THSD7A: variants seen among roughly 807,000 people sequenced by gnomAD.
THSD7A encodes thrombospondin type-1 domain-containing protein 7A.
A neutral mutation model predicts 231.3 loss-of-function variants in THSD7A; 96 were observed. That is an observed-to-expected ratio of 0.41 (90% CI 0.35 to 0.49). The LOEUF is 0.49. Ranked by LOEUF, THSD7A falls within the 20% of genes least tolerant of loss-of-function variation. THSD7A has a pLI of 0.05. For missense variants in THSD7A, 2,290 were observed against 2,070.2 expected, an observed-to-expected ratio of 1.11 and a Z score of -2.06; for synonymous variants, 940 against 743.3, an observed-to-expected ratio of 1.26 and a Z score of -4.30.
chr7:11,452,783 C>T (rs749870196), intron 11 of THSD7A, among the ~76,000 whole-genome samples: 25 of 151,948 alleles, frequency 1.6e-4, no homozygotes, highest in Non-Finnish European at 2.7e-4. Flanking sequence ...AGATATAAAA[C>T]GAAACCCAAA....
intron 1 of THSD7A, among the ~76,000 whole-genome samples, chr7:11,684,934 A>G (rs1779983016): frequency 6.6e-6 from 1 of 151,984 alleles, no homozygotes; most frequent in Admixed American, 6.6e-5. Flanking sequence ...AAAGAAAATG[A>G]ACAAAGCTGG....
At chr7:11,509,554 C>T (rs1395595069) in intron 6 of THSD7A, among the ~76,000 whole-genome samples, 2 of 151,778 alleles carry the variant, frequency 1.3e-5, no homozygotes, top group Admixed American at 6.6e-5. Context: ...AAGATAAGGC[C>T]GGGCGCGGTG....
At chr7:11,735,281 T>C (rs892853543) in intron 1 of THSD7A, among the ~76,000 whole-genome samples, 2 of 151,810 alleles carry the variant, frequency 1.3e-5, no homozygotes, top group African/African-American at 4.8e-5. Flanking sequence ...ACCCGTATAT[T>C]AAAGAGAGGA....
At chr7:11,667,234 G>C (rs75808529) in intron 1 of THSD7A, among the ~76,000 whole-genome samples, 3,174 of 152,032 alleles carry the variant, frequency 0.021, 42 homozygotes, top group Non-Finnish European at 0.032. Context: ...AGTCCTCAAA[G>C]TCCATTACCT....
At chr7:11,393,028 T>C (rs1447790807) in intron 23 of THSD7A, among the ~76,000 whole-genome samples, 1 of 152,214 alleles carries the variant, frequency 6.6e-6, no homozygotes, top group Admixed American at 6.5e-5. Context: ...AGCACAGTGT[T>C]TGACCTCTGC....
intron 1 of THSD7A, among the ~76,000 whole-genome samples, chr7:11,694,519 A>T (rs757178929): frequency 6.6e-6 from 1 of 151,610 alleles, no homozygotes; most frequent in Non-Finnish European, 1.5e-5. Flanking sequence ...GAAAGTGCTT[A>T]AACAAGTGAT....
At chr7:11,684,124 C>CA (rs1303028732) in intron 1 of THSD7A, among the ~76,000 whole-genome samples, 2 of 151,494 alleles carry the variant, frequency 1.3e-5, no homozygotes, top group Admixed American at 6.6e-5. Flanking sequence ...GAGTTAAAAA[C>CA]AAAAAAACTC....
intron 1 of THSD7A, among the ~76,000 whole-genome samples, chr7:11,723,234 C>A (rs1164370073): frequency 3.4e-5 from 5 of 148,418 alleles, no homozygotes; most frequent in Non-Finnish European, 5.9e-5. Context: ...GGACAAAAAC[C>A]AAACACCGCA....
rs1329749562 is a variant in THSD7A at position 11,451,630 on chromosome 7, C to T, written c.2606-4206G>A. On this transcript the variant is annotated intron_variant, in intron 11 of 27. Transcript: ENST00000423059. ...TAAAGTTAATTCTAGAATGTTTTCA[C>T]GTAAATTGAGTTTCAAGCTATGTTT... Among the ~76,000 whole-genome samples, 18 of 151,800 alleles carry T rather than the reference C, an allele frequency of 1.2e-4. No individual in the cohort carries two copies. In the East Asian group the frequency reaches 2.3e-3, roughly 20 times the overall value.
chr7:11,673,261 C>G lies in THSD7A; in HGVS notation c.191-36300G>C, dbSNP rs557151835. Among the ~76,000 whole-genome samples, 10 of 152,186 alleles carry G rather than the reference C, an allele frequency of 6.6e-5. No individual in the cohort carries two copies. The South Asian group carries it at 1.7e-3, about 25-fold the overall frequency. On this transcript the variant is annotated intron_variant, in intron 1 of 27. Coordinates refer to ENST00000423059, the MANE Select transcript of THSD7A (RefSeq NM_015204.3). ...ATTGCTGTTGTGGACACCTGATATC[C>G]TAGCTACAGGAGTTCCCATCACCCT...
rs77985933 is a variant in THSD7A at position 11,609,238 on chromosome 7, A to C, written c.1023-15736T>G. Among the ~76,000 whole-genome samples the C allele has an allele frequency of 5.1e-3, 777 of 152,288 alleles. 10 individuals carry two copies. The highest frequency in any genetic ancestry group is 0.018 in the African/African-American group (729 of 41,558). ...ACAGCTTCCCCAGCTTCTCACAAAGAATAAAACATGGCATGCTGAGAACAT... is the reference window on the plus strand; with the variant it reads ...ACAGCTTCCCCAGCTTCTCACAAAGCATAAAACATGGCATGCTGAGAACAT... On this transcript the variant is annotated intron_variant, in intron 2 of 27. Transcript: ENST00000423059.
At chr7:11,481,668 T>G in intron 7 of THSD7A, 120 bp downstream of exon 7, 1 of 1,077,154 alleles carries the variant, frequency 9.3e-7, no homozygotes. Flanking sequence ...TATTAAATCT[T>G]GGATGGCTGA....
chr7:11,562,807 C>T (rs425), intron 4 of THSD7A, among the ~76,000 whole-genome samples: 84,335 of 151,944 alleles, frequency 0.56, 23,642 homozygotes, highest in Middle Eastern at 0.67. Flanking sequence ...TTAGGCATTA[C>T]ATGCCAAAGG....
intron 1 of THSD7A, among the ~76,000 whole-genome samples, chr7:11,792,834 C>T (rs1178540705): frequency 1.3e-5 from 2 of 151,874 alleles, no homozygotes; most frequent in East Asian, 3.9e-4. Context: ...CATTGCAGCA[C>T]AGAAGGAGCC....
In THSD7A at chr7:11,706,630, C is replaced by CTTTTTTTTTTTTTTTTTTTTTTTTTTT. The variant is rs66964252; in HGVS notation, c.191-69670_191-69669insAAAAAAAAAAAAAAAAAAAAAAAAAAA. Among the ~76,000 whole-genome samples the CTTTTTTTTTTTTTTTTTTTTTTTTTTT allele has an allele frequency of 7.5e-5, 5 of 66,392 alleles. 1 individual carries two copies. The highest frequency in any genetic ancestry group is 1.4e-4 in the Non-Finnish European group (5 of 36,888). 43.6% of individuals were successfully genotyped at this position (66,392 alleles called of 152,430 possible). A position where few individuals can be genotyped will look rare whatever the true frequency, so the allele number is the denominator to read the frequency against. Reference sequence around the variant, plus strand: ...ATTGACTAAAAATTTTAACAAGGTGCTTTTTTTTTTTTTTTTTTTTTTTTT... The same window carrying CTTTTTTTTTTTTTTTTTTTTTTTTTTT: ...ATTGACTAAAAATTTTAACAAGGTGCTTTTTTTTTTTTTTTTTTTTTTTTTTTTTTTTTTTTTTTTTTTTTTTTTTTT... On this transcript the variant is annotated intron_variant, in intron 1 of 27. Coordinates refer to ENST00000423059, the MANE Select transcript of THSD7A (RefSeq NM_015204.3).
chr7:11,481,750 G>A, intron 7 of THSD7A, 38 bp downstream of exon 7: 1 of 1,530,248 alleles, frequency 6.5e-7, no homozygotes, highest in South Asian at 1.3e-5. Flanking sequence ...ACTAACTTTT[G>A]AAACGAACCT....
chr7:11,746,436 T>C (rs558281722), intron 1 of THSD7A, among the ~76,000 whole-genome samples: 145 of 152,032 alleles, frequency 9.5e-4, no homozygotes, highest in Non-Finnish European at 9.6e-4. Context: ...CCAATGCATT[T>C]TGTTGTCATA....
At chr7:11,624,803 T>C (rs767322751) in intron 2 of THSD7A, among the ~76,000 whole-genome samples, 12 of 152,152 alleles carry the variant, frequency 7.9e-5, no homozygotes, top group East Asian at 5.8e-4. Flanking sequence ...CTCTTGTCTT[T>C]CCTAAACAGA....
At chr7:11,798,257 G>T (rs1784182581) in intron 1 of THSD7A, among the ~76,000 whole-genome samples, 1 of 152,004 alleles carries the variant, frequency 6.6e-6, no homozygotes, top group Non-Finnish European at 1.5e-5. Context: ...ATCACTTGAG[G>T]TCAAGAGTTC....
Sources: gnomAD v4.1 joint callset for allele counts (sites outside exome capture counted in the v4.1 genomes callset) on GRCh38, gnomAD v4.1.1 for gene constraint, MANE v1.5 for transcripts, NCBI Gene and HGNC (gene_info 2026-07-23, HGNC 2026-07-21) for gene names.